Variants in TRPM3 observed in about 807,000 individuals in gnomAD.
TRPM3 encodes transient receptor potential cation channel subfamily M member 3, also known as long transient receptor potential channel 3.
TRPM3 carries 77 observed loss-of-function variants against 181.2 expected under a neutral mutation model. That is an observed-to-expected ratio of 0.42 (90% confidence interval 0.35 to 0.51). The LOEUF is 0.51. TRPM3 is among the 20% of genes least tolerant of loss of function. The probability of loss-of-function intolerance (pLI) is 0.01; values close to 1 mark genes in which losing one functional copy is unlikely to be tolerated. For missense variants in TRPM3, 1,759 were observed against 2,196.7 expected, an observed-to-expected ratio of 0.80 and a Z score of 3.98; for synonymous variants, 745 against 796.4, an observed-to-expected ratio of 0.94 and a Z score of 1.09.
chr9:71,007,989 G>T (rs1468582292), intron 1 of TRPM3, among the ~76,000 whole-genome samples: 1 of 151,922 alleles, frequency 6.6e-6, no homozygotes, highest in Non-Finnish European at 1.5e-5. Flanking sequence ...AACGAAGAGT[G>T]CATTTTTTGA....
In TRPM3 at chr9:70,689,788, C is replaced by G. The variant is rs184852874; in HGVS notation, c.1273-8210G>C. 9.5e-4 allele frequency among the ~76,000 whole-genome samples: 144 copies of G among 151,996 alleles called. 2 individuals are homozygous for G. Among genetic ancestry groups the G allele is most frequent in the African/African-American group, 3.4e-3 (140 of 41,476 alleles). On this transcript the variant is annotated intron_variant, in intron 8 of 25. Coordinates refer to ENST00000677713, the MANE Select transcript of TRPM3 (RefSeq NM_001366145.2). ...ATATTATAGAAAAACCAAGCAGAAA[C>G]ATGGAAATAATTTTATGTTTGAAAA...
chr9:71,118,280 A>G (rs1845526573), intron 1 of TRPM3, among the ~76,000 whole-genome samples: 1 of 152,188 alleles, frequency 6.6e-6, no homozygotes, highest in Admixed American at 6.5e-5. Flanking sequence ...ATGTTCAAAA[A>G]TTGCTCTGAG....
Position 71,149,855 on chromosome 9 carries a change from T to C in TRPM3, c.184-285344A>G, listed in dbSNP as rs888157499. On this transcript the variant is annotated intron_variant, in intron 1 of 24. Transcript: ENST00000357533. Reference sequence around the variant, plus strand: ...GGCACGCACCTGTGGTCCAGCTACTTGGGAGGCTGAGGTGGGAGGATGGCT... The same window carrying C: ...GGCACGCACCTGTGGTCCAGCTACTCGGGAGGCTGAGGTGGGAGGATGGCT... 9.9e-5 allele frequency among the ~76,000 whole-genome samples: 15 copies of C among 152,014 alleles called. 1 individual carries two copies. The South Asian group carries it at 1.2e-3, about 13-fold the overall frequency.
intron 1 of TRPM3, among the ~76,000 whole-genome samples, chr9:71,285,063 T>C (rs1401391988): frequency 6.6e-6 from 1 of 152,238 alleles, no homozygotes; most frequent in Admixed American, 6.5e-5. Flanking sequence ...AAATTTACCA[T>C]GAAATTCATG....
chr9:71,085,781 A>G (rs188208125), intron 1 of TRPM3, among the ~76,000 whole-genome samples: 1 of 152,236 alleles, frequency 6.6e-6, no homozygotes, highest in Non-Finnish European at 1.5e-5. Flanking sequence ...TGTGGAAAGT[A>G]GTTTGAAGAT....
intron 1 of TRPM3, among the ~76,000 whole-genome samples, chr9:71,390,076 A>G (rs1385853768): frequency 6.6e-6 from 1 of 152,128 alleles, no homozygotes; most frequent in Non-Finnish European, 1.5e-5. Flanking sequence ...TTCTCCAGAT[A>G]TGACACATGA....
intron 1 of TRPM3, among the ~76,000 whole-genome samples, chr9:71,200,740 A>C (rs1337186374): frequency 2.6e-5 from 4 of 152,018 alleles, no homozygotes; most frequent in Admixed American, 6.6e-5. Flanking sequence ...ATCTTCCTCC[A>C]TCCTTTTATT....
chr9:70,688,675 G>T (rs902145096), intron 8 of TRPM3, among the ~76,000 whole-genome samples: 1 of 152,138 alleles, frequency 6.6e-6, no homozygotes, highest in Non-Finnish European at 1.5e-5. Flanking sequence ...GATCCTTTAC[G>T]TTGTTTCTAG....
chr9:70,589,584 G>A (rs538003560), intron 22 of TRPM3, among the ~76,000 whole-genome samples: 1 of 152,302 alleles, frequency 6.6e-6, no homozygotes, highest in Non-Finnish European at 1.5e-5. Context: ...CTGTTTGAAA[G>A]CAGGCTCTCA....
chr9:70,979,399 G>T (rs1276792900), intron 1 of TRPM3, among the ~76,000 whole-genome samples: 1 of 152,134 alleles, frequency 6.6e-6, no homozygotes, highest in Non-Finnish European at 1.5e-5. Flanking sequence ...ATTTTCATTT[G>T]TCATTCTACT....
intron 1 of TRPM3, among the ~76,000 whole-genome samples, chr9:71,000,843 G>C (rs945399883): frequency 6.6e-6 from 1 of 152,130 alleles, no homozygotes; most frequent in Non-Finnish European, 1.5e-5. Flanking sequence ...ACAGAATCAA[G>C]ATAAATCACA....
At chr9:71,129,828 T>C (rs111351685) in intron 1 of TRPM3, among the ~76,000 whole-genome samples, 5 of 152,160 alleles carry the variant, frequency 3.3e-5, no homozygotes, top group Non-Finnish European at 7.4e-5. Flanking sequence ...GAAGCAGTGG[T>C]TCTTCCAGAA....
At chr9:70,686,833 TTTTC>T (rs2067079146) in intron 8 of TRPM3, among the ~76,000 whole-genome samples, 5 of 104,390 alleles carry the variant, frequency 4.8e-5, no homozygotes, top group South Asian at 3.6e-4. Context: ...TTCTTTTTTT[TTTTC>T]TTTTTTGAGA....
intron 1 of TRPM3, among the ~76,000 whole-genome samples, chr9:71,247,033 C>T (rs773683694): frequency 5.9e-5 from 9 of 152,070 alleles, no homozygotes; most frequent in Non-Finnish European, 1.3e-4. Context: ...ATTACTTTAG[C>T]AAAGGACAAC....
chr9:71,046,061 G>A (rs1341610302), intron 1 of TRPM3, among the ~76,000 whole-genome samples: 1 of 150,890 alleles, frequency 6.6e-6, no homozygotes, highest in Admixed American at 6.6e-5. Context: ...CTTGGCTCAC[G>A]ATCTTGGCTT....
Position 70,827,715 on chromosome 9 carries a change from G to C in TRPM3, c.973+132C>G. 3 of 1,134,528 alleles carry C rather than the reference G, an allele frequency of 2.6e-6. No homozygotes were observed. The South Asian group carries it at 4.7e-5, about 18-fold the overall frequency. 70.3% of individuals were successfully genotyped at this position (1,134,528 alleles called of 1,614,324 possible). ...TGGCTTCCTCTCATTCTAAGCTCTG[G>C]CCCGGTAGAAATAATGGTTCATGTT... On this transcript the variant is annotated intron_variant, in intron 6 of 25. Coordinates refer to ENST00000677713, the MANE Select transcript of TRPM3 (RefSeq NM_001366145.2).
intron 1 of TRPM3, among the ~76,000 whole-genome samples, chr9:71,324,949 G>A (rs575699064): frequency 1.3e-5 from 2 of 151,982 alleles, no homozygotes; most frequent in African/African-American, 4.8e-5. Flanking sequence ...AAGGGTGAGT[G>A]GGGGAGAGGA....
At chr9:70,683,556 G>A (rs2066031557) in intron 8 of TRPM3, among the ~76,000 whole-genome samples, 1 of 146,064 alleles carries the variant, frequency 6.8e-6, no homozygotes, top group African/African-American at 2.5e-5. Context: ...CACCATGTAT[G>A]GCCCTGATCT....
rs955164628 is a variant in TRPM3, at chr9:71,417,405, C to A, written c.183+29248G>T. On this transcript the variant is annotated intron_variant, in intron 1 of 24. Transcript: ENST00000357533. The stretch of plus-strand genomic sequence containing the variant: ...CTGATAAACGAATGGTATTGAGCAT[C>A]TCTTTATGTGCTTATTGACTAGCTA... Among the ~76,000 whole-genome samples the A allele has an allele frequency of 4.6e-5, 7 of 151,882 alleles. No homozygotes were observed. The South Asian group carries it at 1.5e-3, about 31-fold the overall frequency.
Sources: gnomAD v4.1 joint callset for allele counts (sites outside exome capture counted in the v4.1 genomes callset) on GRCh38, gnomAD v4.1.1 for gene constraint, MANE v1.5 for transcripts, NCBI Gene and HGNC (gene_info 2026-07-23, HGNC 2026-07-21) for gene names.